PAK5: variants seen among roughly 807,000 people sequenced by gnomAD.
PAK5 encodes serine/threonine-protein kinase PAK 5.
PAK5 carries 16 observed loss-of-function variants against 65.9 expected under a neutral mutation model. The observed-to-expected ratio is 0.24, with a 90% CI of 0.16 to 0.37. The LOEUF (loss-of-function observed/expected upper bound fraction) is 0.37. Ranked by LOEUF, PAK5 falls within the 10% of genes least tolerant of loss-of-function variation. The pLI, the probability that PAK5 is intolerant of heterozygous loss-of-function variation, is 1.00. For synonymous variants in PAK5, 371 were observed against 354.9 expected (o/e 1.05, Z -0.51); for missense variants, 785 against 903.9 (o/e 0.87, Z 1.69).
At chr20:9,764,366 T>C (rs986949596) in intron 1 of PAK5, among the ~76,000 whole-genome samples, 3 of 152,192 alleles carry the variant, frequency 2.0e-5, no homozygotes, top group Admixed American at 6.5e-5. Context: ...GGGCACATGG[T>C]TTTAGTTTGC....
chr20:9,661,824 G>A (rs2208758), intron 2 of PAK5, among the ~76,000 whole-genome samples: 8,222 of 151,970 alleles, frequency 0.054, 727 homozygotes, highest in African/African-American at 0.19. Flanking sequence ...TCTTCCTCAC[G>A]TCAGTGATTT....
intron 1 of PAK5, among the ~76,000 whole-genome samples, chr20:9,743,490 G>A (rs1194994064): frequency 1.3e-5 from 2 of 152,018 alleles, no homozygotes; most frequent in African/African-American, 4.8e-5. Context: ...GAACTAACTT[G>A]TATCAGACTC....
At chr20:9,605,279 G>A (rs554372892) in intron 3 of PAK5, among the ~76,000 whole-genome samples, 1 of 152,314 alleles carries the variant, frequency 6.6e-6, no homozygotes, top group Non-Finnish European at 1.5e-5. Context: ...GTCAGAGAAA[G>A]CCCTTGGACA....
chr20:9,731,689 A>G (rs2048336446), intron 1 of PAK5, among the ~76,000 whole-genome samples: 1 of 152,338 alleles, frequency 6.6e-6, no homozygotes, highest in Non-Finnish European at 1.5e-5. Flanking sequence ...GTTTTATTTT[A>G]GTTTTAAAAT....
At chr20:9,621,519 T>C (rs574149903) in intron 3 of PAK5, among the ~76,000 whole-genome samples, 1 of 151,460 alleles carries the variant, frequency 6.6e-6, no homozygotes, top group East Asian at 1.9e-4. Flanking sequence ...ATGGGCTGAT[T>C]TGAAAAAAAA....
At chr20:9,678,298 T>C (rs1234509699) in intron 2 of PAK5, among the ~76,000 whole-genome samples, 1 of 152,188 alleles carries the variant, frequency 6.6e-6, no homozygotes, top group Non-Finnish European at 1.5e-5. Flanking sequence ...CCAGGCATGG[T>C]GGCTCATGCC....
In PAK5 at chr20:9,787,984, G is replaced by GC. The variant is rs1003087929; in HGVS notation, c.-162+50777_-162+50778insG. ...TCCAGCCCATGTGTCTGTGTGTGTT[G>GC]GGGGGGGTATGTGTGAGTACCCATA... On this transcript the variant is annotated intron_variant, in intron 1 of 9. Coordinates refer to ENST00000353224, the MANE Select transcript of PAK5 (RefSeq NM_177990.4). 4.5e-3 allele frequency among the ~76,000 whole-genome samples: 54 copies of GC among 12,050 alleles called. 2 individuals are homozygous for GC. In the Admixed American group the frequency reaches 0.049, roughly 11 times the overall value. 7.9% of individuals were successfully genotyped at this position (12,050 alleles called of 152,430 possible).
intron 4 of PAK5, among the ~76,000 whole-genome samples, chr20:9,574,519 T>G (rs17485433): frequency 0.022 from 3,347 of 152,328 alleles, 44 homozygotes; most frequent in Middle Eastern, 0.044. Context: ...GTTTGCAGCC[T>G]CAGAATATTG....
intron 1 of PAK5, among the ~76,000 whole-genome samples, chr20:9,740,988 T>G (rs1569067972): frequency 1.3e-5 from 2 of 152,204 alleles, no homozygotes; most frequent in Non-Finnish European, 2.9e-5. Context: ...AGTCTTGGGC[T>G]GACCCATCAA....
chr20:9,704,201 C>T (rs2047976611), intron 2 of PAK5, among the ~76,000 whole-genome samples: 1 of 152,118 alleles, frequency 6.6e-6, no homozygotes, highest in Admixed American at 6.6e-5. Flanking sequence ...AGATCCTGGG[C>T]CTGTGTTACA....
At position 9,580,693 on chromosome 20, in the gene PAK5, C is replaced by G. The variant is rs2045963784; in HGVS notation, c.442G>C (p.Glu148Gln). The change falls in exon 4 of 10, where the codon GAG (glutamate) becomes CAG (glutamine). Residue 148 changes from glutamate (E) to glutamine (Q), a missense_variant. Coordinates refer to ENST00000353224, the MANE Select transcript of PAK5 (RefSeq NM_177990.4). ...TADYTTEKYR[E>Q]KSLYGDDLDP... ...AGATCATCTCCATAGAGACTCTTCT[C>G]CCTGTACTTTTCGGTCGTGTAGTCA... The G allele has an allele frequency of 2.5e-6, 4 of 1,613,934 alleles. No individual in the cohort carries two copies. Among genetic ancestry groups the G allele is most frequent in the African/African-American group, 1.3e-5 (1 of 74,880 alleles).
At chr20:9,656,610 G>A (rs1331578549) in intron 2 of PAK5, among the ~76,000 whole-genome samples, 1 of 152,212 alleles carries the variant, frequency 6.6e-6, no homozygotes, top group African/African-American at 2.4e-5. Flanking sequence ...GAAGTCTAGA[G>A]TCAGTCTTCT....
chr20:9,570,774 C>G (rs1428335643), intron 4 of PAK5, among the ~76,000 whole-genome samples: 1 of 152,210 alleles, frequency 6.6e-6, no homozygotes, highest in Non-Finnish European at 1.5e-5. Context: ...GCATGTATAA[C>G]TGATCTCTGA....
chr20:9,539,669 A>T, intron 9 of PAK5, 52 bp from the exon 10 acceptor site: 1 of 1,480,480 alleles, frequency 6.8e-7, no homozygotes. Context: ...CACCTAACCC[A>T]GTCCCCAAAA....
chr20:9,773,785 G>T (rs1375188930), intron 1 of PAK5, among the ~76,000 whole-genome samples: 1 of 152,170 alleles, frequency 6.6e-6, no homozygotes, highest in Non-Finnish European at 1.5e-5. Context: ...ACACTACAAG[G>T]TTGTTACTGT....
At chr20:9,646,101 C>A (rs1177450964) in intron 2 of PAK5, among the ~76,000 whole-genome samples, 2 of 152,234 alleles carry the variant, frequency 1.3e-5, no homozygotes, top group African/African-American at 4.8e-5. Context: ...CTGAACAGCA[C>A]ATTTATTCAG....
At chr20:9,784,588 G>C (rs1199755499) in intron 1 of PAK5, 1 of 152,080 alleles carries the variant, frequency 6.6e-6, no homozygotes, top group Non-Finnish European at 1.5e-5. Flanking sequence ...GAAATGTTTT[G>C]AATATACAAG....
chr20:9,539,686 C>G, intron 9 of PAK5, 69 bp from the exon 10 acceptor site: 1 of 1,288,112 alleles, frequency 7.8e-7, no homozygotes. Context: ...AAAATGTTTT[C>G]CCCATTCATC....
chr20:9,721,592 G>A (rs1165336782), intron 1 of PAK5, among the ~76,000 whole-genome samples: 1 of 143,262 alleles, frequency 7.0e-6, no homozygotes, highest in African/African-American at 2.6e-5. Context: ...GGAGGAGGTT[G>A]CAGTGAGTTA....
Sources: gnomAD v4.1 joint callset for allele counts (sites outside exome capture counted in the v4.1 genomes callset) on GRCh38, gnomAD v4.1.1 for gene constraint, MANE v1.5 for transcripts, NCBI Gene and HGNC (gene_info 2026-07-23, HGNC 2026-07-21) for gene names.